NAALADL2: variants seen among roughly 807,000 people sequenced by gnomAD.
NAALADL2 encodes the protein N-acetylated alpha-linked acidic dipeptidase like 2.
In NAALADL2, 76 loss-of-function variants were observed where a neutral mutation model predicts 87.2. That is an observed-to-expected ratio of 0.87 (90% CI 0.72 to 1.05). The LOEUF (loss-of-function observed/expected upper bound fraction) is 1.05, where lower values mean the gene tolerates loss of function less well. Among genes scored for constraint, NAALADL2 ranks in the 50% least tolerant of loss-of-function variants. NAALADL2 has a pLI of 0.00. For synonymous variants in NAALADL2, 354 were observed against 331.0 expected (o/e 1.07, Z -0.75); for missense variants, 1,089 against 945.8 (o/e 1.15, Z -1.99).
chr3:175,285,140 G>GA (rs1246340352), intron 4 of NAALADL2, among the ~76,000 whole-genome samples: 2 of 152,016 alleles, frequency 1.3e-5, no homozygotes, highest in African/African-American at 4.8e-5. Flanking sequence ...TAGAAAATAA[G>GA]AAAAAGTGCA....
At chr3:175,785,056 G>A (rs1464554893) in intron 13 of NAALADL2, among the ~76,000 whole-genome samples, 3 of 151,290 alleles carry the variant, frequency 2.0e-5, no homozygotes, top group East Asian at 3.9e-4. Flanking sequence ...TGATTGCACT[G>A]TGGTCTGAGA....
chr3:175,167,597 G>A (rs141332830), intron 2 of NAALADL2, among the ~76,000 whole-genome samples: 3 of 152,034 alleles, frequency 2.0e-5, no homozygotes, highest in African/African-American at 4.8e-5. Flanking sequence ...TAGCAAAATG[G>A]CAATAGATTC....
intron 12 of NAALADL2, among the ~76,000 whole-genome samples, chr3:175,740,887 C>G (rs746704851): frequency 6.6e-6 from 1 of 152,192 alleles, no homozygotes. Flanking sequence ...CAAGAACCCT[C>G]TCTTGGGGGT....
intron 1 of NAALADL2, among the ~76,000 whole-genome samples, chr3:174,912,186 C>T (rs1246745827): frequency 1.3e-5 from 2 of 151,980 alleles, no homozygotes; most frequent in Non-Finnish European, 2.9e-5. Context: ...ACAATCAGTG[C>T]AGAATGCTGT....
intron 1 of NAALADL2, among the ~76,000 whole-genome samples, chr3:174,981,501 C>T (rs759368311): frequency 6.6e-5 from 10 of 151,980 alleles, no homozygotes; most frequent in African/African-American, 1.9e-4. Context: ...AAAGAGAAAC[C>T]GCCAAAAGGT....
intron 9 of NAALADL2, among the ~76,000 whole-genome samples, chr3:175,503,168 T>C (rs1729794948): frequency 6.6e-6 from 1 of 152,132 alleles, no homozygotes; most frequent in South Asian, 2.1e-4. Context: ...CACTTACAAG[T>C]TAGAACTTGG....
At chr3:175,790,815 T>A (rs978189929) in intron 13 of NAALADL2, among the ~76,000 whole-genome samples, 3 of 152,358 alleles carry the variant, frequency 2.0e-5, no homozygotes, top group Admixed American at 6.5e-5. Context: ...AAGATAACTC[T>A]TTCTTTCACA....
intron 9 of NAALADL2, among the ~76,000 whole-genome samples, chr3:175,541,651 C>T (rs1712349720): frequency 6.7e-6 from 1 of 150,334 alleles, no homozygotes; most frequent in African/African-American, 2.5e-5. Context: ...GGCCAAGATA[C>T]ACTTGTTTCC....
chr3:174,772,892 T>C (rs749275490), intron 3 of NAALADL2, among the ~76,000 whole-genome samples: 20 of 152,174 alleles, frequency 1.3e-4, no homozygotes, highest in Non-Finnish European at 2.2e-4. Flanking sequence ...TTGTGCACTC[T>C]AGAGAGTAAT....
At chr3:174,458,786 G>A (rs1716012434) in intron 1 of NAALADL2, among the ~76,000 whole-genome samples, 1 of 152,168 alleles carries the variant, frequency 6.6e-6, no homozygotes, top group South Asian at 2.1e-4. Context: ...CCTTATGGAT[G>A]AAACCAAACC....
chr3:175,570,440 C>T (rs1028024831), intron 9 of NAALADL2, among the ~76,000 whole-genome samples: 1 of 152,106 alleles, frequency 6.6e-6, no homozygotes, highest in African/African-American at 2.4e-5. Context: ...ATCACACTGC[C>T]CTATAGCAAG....
intron 1 of NAALADL2, among the ~76,000 whole-genome samples, chr3:175,001,850 G>A (rs1023358275): frequency 6.6e-6 from 1 of 152,134 alleles, no homozygotes; most frequent in Admixed American, 6.6e-5. Flanking sequence ...GATGCCACAA[G>A]TGGAAAATTA....
intron 11 of NAALADL2, among the ~76,000 whole-genome samples, chr3:175,631,415 C>A (rs1727744385): frequency 6.6e-6 from 1 of 150,618 alleles, no homozygotes; most frequent in African/African-American, 2.4e-5. Flanking sequence ...AACTGTGAGT[C>A]CTTGAAAGTA....
intron 3 of NAALADL2, among the ~76,000 whole-genome samples, chr3:174,745,759 C>T (rs192451309): frequency 5.3e-5 from 8 of 152,252 alleles, no homozygotes; most frequent in East Asian, 1.9e-4. Context: ...AAGTCAGCTT[C>T]GTCCCTGGGA....
intron 1 of NAALADL2, among the ~76,000 whole-genome samples, chr3:174,487,306 C>T (rs1300281314): frequency 6.6e-6 from 1 of 152,012 alleles, no homozygotes; most frequent in African/African-American, 2.4e-5. Flanking sequence ...CTAGATGTCT[C>T]TAATTAATAC....
intron 2 of NAALADL2, among the ~76,000 whole-genome samples, chr3:174,635,762 C>T (rs1415778194): frequency 1.3e-5 from 2 of 152,092 alleles, no homozygotes; most frequent in African/African-American, 4.8e-5. Context: ...TTGGGCCTCC[C>T]AAAGTGCTGG....
chr3:174,542,326 T>C (rs1722319994), intron 1 of NAALADL2, among the ~76,000 whole-genome samples: 1 of 152,156 alleles, frequency 6.6e-6, no homozygotes, highest in Non-Finnish European at 1.5e-5. Context: ...GGCAGAGGTC[T>C]CTCTTCTGTT....
At chr3:175,078,814 CATTTT>C (rs1011706541) in intron 1 of NAALADL2, among the ~76,000 whole-genome samples, 2 of 152,194 alleles carry the variant, frequency 1.3e-5, no homozygotes, top group African/African-American at 4.8e-5. Context: ...GGATGTATCA[CATTTT>C]ATTTATCCTT....
intron 3 of NAALADL2, among the ~76,000 whole-genome samples, chr3:175,237,377 C>G (rs901187407): frequency 6.6e-6 from 1 of 152,034 alleles, no homozygotes; most frequent in African/African-American, 2.4e-5. Flanking sequence ...AAGTTAGCCT[C>G]CATAAATTTT....
Sources: gnomAD v4.1 joint callset for allele counts (sites outside exome capture counted in the v4.1 genomes callset) on GRCh38, gnomAD v4.1.1 for gene constraint, MANE v1.5 for transcripts, NCBI Gene and HGNC (gene_info 2026-07-23, HGNC 2026-07-21) for gene names.